The following TRPM7 variants were observed in gnomAD, a reference collection of about 807,000 sequenced individuals.
TRPM7 encodes transient receptor potential cation channel subfamily M member 7.
Under a neutral mutation model 229.7 loss-of-function variants are expected in TRPM7, and 134 were observed. That is an observed-to-expected ratio of 0.58 (90% CI 0.51 to 0.67). The LOEUF (loss-of-function observed/expected upper bound fraction) is 0.67, where lower values mean the gene tolerates loss of function less well. TRPM7 is among the 30% of genes least tolerant of loss of function. The pLI, the probability that TRPM7 is intolerant of heterozygous loss-of-function variation, is 0.00. For missense variants in TRPM7, 1,901 were observed against 2,210.0 expected (o/e 0.86, Z 2.80); for synonymous variants, 699 against 715.2 (o/e 0.98, Z 0.36).
At chr15:50,573,284 G>A (rs907602213) in intron 36 of TRPM7, among the ~76,000 whole-genome samples, 6 of 152,196 alleles carry the variant, frequency 3.9e-5, no homozygotes, top group African/African-American at 1.2e-4. Context: ...AGCCTTAAGA[G>A]GTTCTGCTTT....
intron 31 of TRPM7, among the ~76,000 whole-genome samples, chr15:50,577,215 A>G (rs2054176867): frequency 6.6e-6 from 1 of 152,142 alleles, no homozygotes; most frequent in African/African-American, 2.4e-5. Context: ...GGATTTCATT[A>G]AACAACAATG....
intron 14 of TRPM7, 110 bp downstream of exon 14, chr15:50,614,013 C>T: frequency 7.4e-7 from 1 of 1,358,784 alleles, no homozygotes; most frequent in Non-Finnish European, 1.0e-6. Flanking sequence ...TGAAAATGTT[C>T]AACTTTATGA....
chr15:50,561,555 A>C lies in TRPM7; in HGVS notation c.*123T>G. The C allele has an allele frequency of 1.9e-6, 2 of 1,075,804 alleles. No individual in the cohort carries two copies. The highest frequency in any genetic ancestry group is 2.9e-4 in the Middle Eastern group (1 of 3,446). The allele number at this position is 1,075,804 out of a possible 1,614,324, so 66.6% of individuals were successfully genotyped here. ...AATATTGACCTTTTAACTGTGCTGG[A>C]GTCAGCAAATTCAACTTGCATACAC... On this transcript the variant is annotated 3_prime_UTR_variant, in exon 39 of 39. Transcript: ENST00000646667.
chr15:50,619,214 C>CT (rs892472680), intron 13 of TRPM7, among the ~76,000 whole-genome samples: 4 of 147,734 alleles, frequency 2.7e-5, no homozygotes, highest in African/African-American at 7.5e-5. Context: ...AGCTCAACAG[C>CT]TTTTTTTTCT....
chr15:50,573,283 A>G (rs970302763), intron 36 of TRPM7, among the ~76,000 whole-genome samples: 1 of 152,188 alleles, frequency 6.6e-6, no homozygotes, highest in Non-Finnish European at 1.5e-5. Flanking sequence ...TAGCCTTAAG[A>G]GGTTCTGCTT....
chr15:50,656,729 C>T lies in TRPM7; in HGVS notation c.122+1052G>A, dbSNP rs569454497. Among the ~76,000 whole-genome samples, 6 of 152,168 alleles carry T rather than the reference C, an allele frequency of 3.9e-5. No individual in the cohort carries two copies. The South Asian group carries it at 1.2e-3, about 32-fold the overall frequency. On this transcript the variant is annotated intron_variant, in intron 3 of 38. Coordinates refer to ENST00000646667, the MANE Select transcript of TRPM7 (RefSeq NM_017672.6). ...CATTCTATGTACTTTTATTCCTAGC[C>T]TACCACCCAGAGACCTTCTCTTCTT...
At chr15:50,678,558 ATACATAATTT>A (rs2062157150) in intron 1 of TRPM7, among the ~76,000 whole-genome samples, 3 of 149,766 alleles carry the variant, frequency 2.0e-5, no homozygotes, top group African/African-American at 7.3e-5. Flanking sequence ...ACACACACAT[ATACATAATTT>A]TATTATGTCA....
At chr15:50,563,035 T>TAGAA (rs1421853326) in intron 38 of TRPM7, among the ~76,000 whole-genome samples, 1 of 152,196 alleles carries the variant, frequency 6.6e-6, no homozygotes, top group East Asian at 1.9e-4. Context: ...ACAGTGTGGC[T>TAGAA]TCTACATAGT....
chr15:50,679,097 C>T (rs971964587), intron 1 of TRPM7, among the ~76,000 whole-genome samples: 1 of 136,474 alleles, frequency 7.3e-6, no homozygotes, highest in Non-Finnish European at 1.6e-5. Context: ...TGGTCTCGAT[C>T]TCTTGACCTG....
intron 13 of TRPM7, among the ~76,000 whole-genome samples, chr15:50,617,363 C>T (rs1402662897): frequency 6.7e-6 from 1 of 149,686 alleles, no homozygotes; most frequent in African/African-American, 2.5e-5. Context: ...ATCAGTCAGG[C>T]TTGGTGGCAG....
In TRPM7 at chr15:50,628,255, C is replaced by A; in HGVS notation, c.1205-6G>T. 6.3e-7 allele frequency: 1 copy of A among 1,589,142 alleles called. No individual in the cohort carries two copies. The highest frequency in any genetic ancestry group is 1.4e-5 in the African/African-American group (1 of 74,020). On this transcript the variant is annotated splice_polypyrimidine_tract_variant and splice_region_variant and intron_variant, in intron 10 of 38. Coordinates refer to ENST00000646667, the MANE Select transcript of TRPM7 (RefSeq NM_017672.6). ...AAATGCAGATGCATTAGTACCTAAT[C>A]GAATAAAGAAAATAGTTGACAGGTT...
chr15:50,580,915 T>TAAA lies in TRPM7; in HGVS notation c.4558-10_4558-8dup. The TAAA allele has an allele frequency of 2.9e-6, 4 of 1,403,336 alleles. No homozygotes were observed. Among genetic ancestry groups the TAAA allele is most frequent in the Admixed American group, 4.3e-5 (2 of 46,572 alleles). The allele number at this position is 1,403,336 out of a possible 1,614,324, so 86.9% of individuals were successfully genotyped here. On this transcript the variant is annotated splice_polypyrimidine_tract_variant and splice_region_variant and intron_variant, in intron 29 of 38. Transcript: ENST00000646667. ...GTCTATCTTGTAACCAATCCTTCAG[T>TAAA]AAAAAAAAAACACACACACACAAAA...
At chr15:50,601,097 TTGATA>T (rs1348367794) in intron 21 of TRPM7, among the ~76,000 whole-genome samples, 3 of 152,212 alleles carry the variant, frequency 2.0e-5, no homozygotes, top group African/African-American at 7.2e-5. Context: ...TTCATGCTAT[TTGATA>T]TATTTTAGAA....
In TRPM7 at chr15:50,646,339, T is replaced by G. The variant is rs556388001; in HGVS notation, c.321+2348A>C. 7.9e-4 allele frequency among the ~76,000 whole-genome samples: 121 copies of G among 152,238 alleles called. 1 individual carries two copies. The highest frequency in any genetic ancestry group is 2.8e-3 in the African/African-American group (118 of 41,550). On this transcript the variant is annotated intron_variant, in intron 4 of 38. Coordinates refer to ENST00000646667, the MANE Select transcript of TRPM7 (RefSeq NM_017672.6). ...CTCTGTTGCCCAGGCTAGACTTTGG[T>G]GACATGGTCCAAGGCTCACTGCAGC...
chr15:50,562,478 G>A (rs2053360715), intron 38 of TRPM7, among the ~76,000 whole-genome samples: 1 of 152,092 alleles, frequency 6.6e-6, no homozygotes, highest in Non-Finnish European at 1.5e-5. Flanking sequence ...GCAGTAAAAA[G>A]TGCCTTGAAG....
intron 22 of TRPM7, among the ~76,000 whole-genome samples, chr15:50,597,175 C>T (rs1596141821): frequency 6.6e-6 from 1 of 152,132 alleles, no homozygotes; most frequent in East Asian, 1.9e-4. Flanking sequence ...GATTTGAATT[C>T]CTTGTTTTTC....
intron 12 of TRPM7, among the ~76,000 whole-genome samples, chr15:50,620,758 C>A (rs2060372012): frequency 1.3e-5 from 2 of 152,080 alleles, no homozygotes; most frequent in Admixed American, 1.3e-4. Flanking sequence ...CGCAGAAACC[C>A]CGTCTCTACT....
intron 1 of TRPM7, among the ~76,000 whole-genome samples, chr15:50,672,335 C>T (rs928344424): frequency 5.3e-5 from 8 of 151,802 alleles, no homozygotes; most frequent in Non-Finnish European, 1.0e-4. Context: ...GGATTACAGG[C>T]GTGAGCCACC....
chr15:50,561,381 C>G lies in TRPM7; in HGVS notation c.*297G>C, dbSNP rs1184564825. Reference sequence around the variant, plus strand: ...TTGTACCACATAAGAGAGAGCATCACCCTCATCAAAACAAAGTCAAATGAG... The same window carrying G: ...TTGTACCACATAAGAGAGAGCATCAGCCTCATCAAAACAAAGTCAAATGAG... On this transcript the variant is annotated 3_prime_UTR_variant, in exon 39 of 39. Transcript: ENST00000646667. 2 of 264,562 alleles carry G rather than the reference C, an allele frequency of 7.6e-6. No homozygotes were observed. The highest frequency in any genetic ancestry group is 1.4e-5 in the Non-Finnish European group (2 of 141,122). 16.4% of individuals were successfully genotyped at this position (264,562 alleles called of 1,614,324 possible). A position where few individuals can be genotyped will look rare whatever the true frequency, so the allele number is the denominator to read the frequency against.
Sources: allele counts gnomAD v4.1 joint callset (sites outside exome capture counted in the v4.1 genomes callset), GRCh38; gene constraint gnomAD v4.1.1; transcripts MANE v1.5; gene names NCBI Gene and HGNC (gene_info 2026-07-23, HGNC 2026-07-21).